MSI2: variants seen among roughly 807,000 people sequenced by gnomAD.
MSI2 encodes the protein RNA-binding protein Musashi homolog 2.
MSI2 carries 17 observed loss-of-function variants against 45.6 expected under a neutral mutation model. The ratio of observed to expected loss-of-function variants is 0.37; its 90% confidence interval spans 0.26 to 0.56. The LOEUF (loss-of-function observed/expected upper bound fraction) is 0.56. MSI2 is among the 20% of genes least tolerant of loss of function. The pLI, the probability that MSI2 is intolerant of heterozygous loss-of-function variation, is 0.77. For synonymous variants in MSI2, 156 were observed against 158.2 expected (o/e 0.99, Z 0.11); for missense variants, 293 against 444.2 (o/e 0.66, Z 3.06).
At chr17:57,406,608 C>T (rs1015023565) in intron 6 of MSI2, among the ~76,000 whole-genome samples, 1 of 152,168 alleles carries the variant, frequency 6.6e-6, no homozygotes. Context: ...AATTATACTT[C>T]ACATGGTGAA....
intron 10 of MSI2, among the ~76,000 whole-genome samples, chr17:57,648,638 C>G (rs950266431): frequency 2.0e-5 from 3 of 152,192 alleles, no homozygotes; most frequent in East Asian, 1.9e-4. Flanking sequence ...ATTTCCCACT[C>G]TGGGCAGTGG....
At chr17:57,328,755 C>T (rs1156602549) in intron 5 of MSI2, among the ~76,000 whole-genome samples, 47 of 149,790 alleles carry the variant, frequency 3.1e-4, no homozygotes, top group Non-Finnish European at 5.9e-4. Context: ...TTTAAACCCA[C>T]TTGTTTGATT....
chr17:57,371,115 A>C (rs374542906), intron 5 of MSI2, among the ~76,000 whole-genome samples: 3 of 152,104 alleles, frequency 2.0e-5, no homozygotes, highest in East Asian at 1.9e-4. Flanking sequence ...GATAAATGTA[A>C]ATTTCAGCCC....
At chr17:57,568,059 T>C (rs2144290345) in intron 7 of MSI2, among the ~76,000 whole-genome samples, 1 of 152,292 alleles carries the variant, frequency 6.6e-6, no homozygotes, top group East Asian at 1.9e-4. Context: ...CCAAGACCTA[T>C]GTTCTTTCAG....
intron 5 of MSI2, among the ~76,000 whole-genome samples, chr17:57,269,172 A>T (rs545338472): frequency 6.6e-6 from 1 of 152,300 alleles, no homozygotes; most frequent in Non-Finnish European, 1.5e-5. Context: ...GCTAGGCACT[A>T]GGAAAGGTCA....
At chr17:57,573,526 G>T (rs896094773) in intron 7 of MSI2, among the ~76,000 whole-genome samples, 2 of 152,178 alleles carry the variant, frequency 1.3e-5, no homozygotes, top group Non-Finnish European at 2.9e-5. Flanking sequence ...GCCTGTTGAG[G>T]TCACCTGAGT....
At chr17:57,485,417 AT>A (rs1441928473) in intron 6 of MSI2, among the ~76,000 whole-genome samples, 2 of 152,070 alleles carry the variant, frequency 1.3e-5, no homozygotes, top group Non-Finnish European at 2.9e-5. Flanking sequence ...AATGTTTCTC[AT>A]TTGCCTGCGT....
chr17:57,467,147 TAAAC>T (rs990610042), intron 6 of MSI2, among the ~76,000 whole-genome samples: 2 of 152,100 alleles, frequency 1.3e-5, no homozygotes, highest in Non-Finnish European at 2.9e-5. Context: ...TGGGAAAAAA[TAAAC>T]AAACCTCTTA....
chr17:57,326,875 T>C (rs1373360492), intron 5 of MSI2, among the ~76,000 whole-genome samples: 1 of 152,168 alleles, frequency 6.6e-6, no homozygotes, highest in East Asian at 1.9e-4. Flanking sequence ...GGAAGGACTA[T>C]ACCTTGTCCC....
At chr17:57,516,366 T>A (rs1409026533) in intron 6 of MSI2, among the ~76,000 whole-genome samples, 2 of 152,232 alleles carry the variant, frequency 1.3e-5, no homozygotes, top group Non-Finnish European at 1.5e-5. Context: ...GCACCAGTTG[T>A]GTACCAGCTG....
At chr17:57,309,834 A>C (rs1287773546) in intron 5 of MSI2, among the ~76,000 whole-genome samples, 1 of 152,122 alleles carries the variant, frequency 6.6e-6, no homozygotes, top group East Asian at 1.9e-4. Flanking sequence ...CAGTGGCAGA[A>C]GGGTTCTCGA....
chr17:57,332,132 A>C, intron 5 of MSI2, among the ~76,000 whole-genome samples: 1 of 139,272 alleles, frequency 7.2e-6, no homozygotes. Flanking sequence ...ATGGAGTCTC[A>C]CTCTGTCACC....
At chr17:57,691,295 G>A in the MSI2 span, among the ~76,000 whole-genome samples, 22,984 of 151,646 alleles carry the variant, frequency 0.15, 1,996 homozygotes, top group Middle Eastern at 0.22. Context: ...ATTGCGATCA[G>A]GTAGAGTGAA....
At chr17:57,535,555 A>T (rs112392208) in intron 7 of MSI2, among the ~76,000 whole-genome samples, 3 of 152,366 alleles carry the variant, frequency 2.0e-5, no homozygotes, top group African/African-American at 7.2e-5. Context: ...AGCAGTTAGC[A>T]GTTGCTTATT....
At chr17:57,268,861 AAAACACCCCATCCT>A (rs1313734476) in intron 5 of MSI2, among the ~76,000 whole-genome samples, 2 of 152,020 alleles carry the variant, frequency 1.3e-5, no homozygotes, top group African/African-American at 4.8e-5. Flanking sequence ...AAACAAACAA[AAAACACCCCATCCT>A]TAGCCCTTAC....
intron 5 of MSI2, among the ~76,000 whole-genome samples, chr17:57,296,517 C>A (rs925737958): frequency 6.6e-6 from 1 of 152,144 alleles, no homozygotes; most frequent in South Asian, 2.1e-4. Flanking sequence ...AGATTGCTTT[C>A]TTTGACGATA....
chr17:57,684,992 C>A (rs557186793), downstream of MSI2, among the ~76,000 whole-genome samples: 7 of 152,086 alleles, frequency 4.6e-5, no homozygotes, highest in South Asian at 2.1e-4. Context: ...AAAGGTCCTG[C>A]GGATCAGAGG....
chr17:57,544,580 G>T (rs1191122232), intron 7 of MSI2, among the ~76,000 whole-genome samples: 2 of 152,210 alleles, frequency 1.3e-5, no homozygotes, highest in Admixed American at 6.5e-5. Flanking sequence ...GTCATTCCAT[G>T]AAGAGATTGA....
At chr17:57,377,761 A>C (rs1409296566) in intron 5 of MSI2, among the ~76,000 whole-genome samples, 1 of 151,886 alleles carries the variant, frequency 6.6e-6, no homozygotes, top group East Asian at 1.9e-4. Flanking sequence ...CCTGTCTTCC[A>C]CTCGCTCCAT....
Sources: allele counts gnomAD v4.1 joint callset (sites outside exome capture counted in the v4.1 genomes callset), GRCh38; gene constraint gnomAD v4.1.1; transcripts MANE v1.5; gene names NCBI Gene and HGNC (gene_info 2026-07-23, HGNC 2026-07-21).